KHDRBS2: variants seen among roughly 807,000 people sequenced by gnomAD.
KHDRBS2 encodes KH domain-containing, RNA-binding, signal transduction-associated protein 2.
In KHDRBS2, 26 loss-of-function variants were observed where a neutral mutation model predicts 44.3. That is an observed-to-expected ratio of 0.59 (90% CI 0.43 to 0.81). The LOEUF is 0.81. Ranked by LOEUF, KHDRBS2 falls within the 40% of genes least tolerant of loss-of-function variation. The pLI, the probability that KHDRBS2 is intolerant of heterozygous loss-of-function variation, is 0.00. For synonymous variants in KHDRBS2, 194 were observed against 151.1 expected (o/e 1.28, Z -2.08); for missense variants, 476 against 433.1 (o/e 1.10, Z -0.88).
the KHDRBS2 span, among the ~76,000 whole-genome samples, chr6:61,623,205 A>G: frequency 1.1e-4 from 17 of 152,244 alleles, no homozygotes; most frequent in South Asian, 8.3e-4. Flanking sequence ...CTGAATCCGA[A>G]CATATTTTCT....
chr6:61,851,832 A>T (rs1280533710), intron 6 of KHDRBS2, among the ~76,000 whole-genome samples: 1 of 152,256 alleles, frequency 6.6e-6, no homozygotes, highest in Non-Finnish European at 1.5e-5. Flanking sequence ...GAATTAGAAT[A>T]CAGTGAGAGA....
the KHDRBS2 span, among the ~76,000 whole-genome samples, chr6:61,622,597 T>C: frequency 2.0e-5 from 3 of 152,076 alleles, no homozygotes; most frequent in African/African-American, 7.2e-5. Context: ...GCAAAGACCA[T>C]AGGGGATAAT....
chr6:61,934,910 T>G (rs1420566046), intron 4 of KHDRBS2, among the ~76,000 whole-genome samples: 1 of 152,068 alleles, frequency 6.6e-6, no homozygotes, highest in African/African-American at 2.4e-5. Flanking sequence ...GAAACTGGAG[T>G]GATCTCAAGA....
intron 1 of KHDRBS2, among the ~76,000 whole-genome samples, chr6:62,230,512 G>A (rs949291095): frequency 1.3e-5 from 2 of 152,016 alleles, no homozygotes; most frequent in South Asian, 2.1e-4. Flanking sequence ...TATAAATAAT[G>A]GTGGCTATCA....
intron 3 of KHDRBS2, among the ~76,000 whole-genome samples, chr6:61,986,476 ATTAAG>A (rs1353702089): frequency 3.3e-5 from 5 of 152,198 alleles, no homozygotes; most frequent in African/African-American, 7.2e-5. Context: ...TGGTTTAGTT[ATTAAG>A]TTAATTTAAA....
chr6:61,640,251 C>G, the KHDRBS2 span, among the ~76,000 whole-genome samples: 3 of 152,066 alleles, frequency 2.0e-5, no homozygotes, highest in Admixed American at 2.0e-4. Flanking sequence ...GTAAAGGGTA[C>G]ATGGTATACA....
At chr6:62,107,097 A>T (rs1374311073) in intron 2 of KHDRBS2, among the ~76,000 whole-genome samples, 4 of 151,698 alleles carry the variant, frequency 2.6e-5, no homozygotes, top group Non-Finnish European at 4.4e-5. Flanking sequence ...GGCCAGGGCA[A>T]TTAGGCAGGA....
intron 1 of KHDRBS2, among the ~76,000 whole-genome samples, chr6:62,216,930 G>A (rs1830100915): frequency 6.7e-6 from 1 of 150,214 alleles, no homozygotes; most frequent in African/African-American, 2.4e-5. Context: ...TTTAGCAGGG[G>A]TTATAGGGTT....
intron 2 of KHDRBS2, among the ~76,000 whole-genome samples, chr6:62,132,088 A>G (rs1562932969): frequency 6.6e-6 from 1 of 152,206 alleles, no homozygotes; most frequent in Non-Finnish European, 1.5e-5. Flanking sequence ...ATTTTTTCAC[A>G]TTACTAAGTA....
intron 2 of KHDRBS2, among the ~76,000 whole-genome samples, chr6:62,166,031 A>G (rs1320479129): frequency 1.3e-5 from 2 of 152,018 alleles, no homozygotes; most frequent in Non-Finnish European, 2.9e-5. Flanking sequence ...CACCTGTTCT[A>G]GGAACTTCAT....
At chr6:61,722,936 C>T (rs1772917814) in intron 7 of KHDRBS2, among the ~76,000 whole-genome samples, 2 of 152,028 alleles carry the variant, frequency 1.3e-5, no homozygotes, top group Admixed American at 6.6e-5. Context: ...GTCTCGATCT[C>T]CTCACCTCGT....
rs183745910 is a variant in KHDRBS2, at chr6:61,856,055, A to T, written c.810+38580T>A. ...TGAGTCACATCTGTGATTTTCATCCAACTCTTCCTAGTCTCACTGTCTTTC... is the reference window on the plus strand; with the variant it reads ...TGAGTCACATCTGTGATTTTCATCCTACTCTTCCTAGTCTCACTGTCTTTC... On this transcript the variant is annotated intron_variant, in intron 6 of 8. Transcript: ENST00000281156. 2.3e-3 allele frequency among the ~76,000 whole-genome samples: 343 copies of T among 152,186 alleles called. 2 individuals carry two copies. The highest frequency in any genetic ancestry group is 8.0e-3 in the African/African-American group (334 of 41,542).
intron 2 of KHDRBS2, among the ~76,000 whole-genome samples, chr6:62,071,028 C>T (rs1794931332): frequency 6.6e-6 from 1 of 152,098 alleles, no homozygotes; most frequent in African/African-American, 2.4e-5. Context: ...TAATGATCGC[C>T]ATTTAACTGG....
rs999577363 is a variant in KHDRBS2, at chr6:61,914,957, C to A, written c.484-13586G>T. Among the ~76,000 whole-genome samples the A allele has an allele frequency of 3.9e-5, 6 of 152,168 alleles. No homozygotes were observed. In the South Asian group the frequency reaches 1.0e-3, roughly 26 times the overall value. Reference sequence around the variant, plus strand: ...ATGTCCATGTGTGAAGTCACGAAGCCATGACAGAAAAGTAACGGAGTTAGA... The same window carrying A: ...ATGTCCATGTGTGAAGTCACGAAGCAATGACAGAAAAGTAACGGAGTTAGA... On this transcript the variant is annotated intron_variant, in intron 4 of 8. Coordinates refer to ENST00000281156, the MANE Select transcript of KHDRBS2 (RefSeq NM_152688.4).
At chr6:62,082,247 T>C (rs73758654) in intron 2 of KHDRBS2, among the ~76,000 whole-genome samples, 3,719 of 151,896 alleles carry the variant, frequency 0.024, 165 homozygotes, top group African/African-American at 0.084. Flanking sequence ...TTAAAACCCA[T>C]CTTCTGACAA....
At chr6:62,243,503 C>G (rs1367820641) in intron 1 of KHDRBS2, among the ~76,000 whole-genome samples, 1 of 151,852 alleles carries the variant, frequency 6.6e-6, no homozygotes, top group African/African-American at 2.4e-5. Flanking sequence ...TGTTAAGATG[C>G]CCACCCTCAA....
intron 6 of KHDRBS2, among the ~76,000 whole-genome samples, chr6:61,744,995 C>T (rs1582556649): frequency 6.6e-6 from 1 of 152,228 alleles, no homozygotes; most frequent in East Asian, 1.9e-4. Flanking sequence ...AGTTTCAAAG[C>T]TCATCTAACT....
intron 6 of KHDRBS2, among the ~76,000 whole-genome samples, chr6:61,763,861 C>T (rs1054932067): frequency 5.3e-5 from 8 of 152,100 alleles, no homozygotes; most frequent in Non-Finnish European, 7.4e-5. Flanking sequence ...ATGTGCAGGA[C>T]GTGCAGGTTT....
intron 2 of KHDRBS2, among the ~76,000 whole-genome samples, chr6:62,061,079 G>A (rs1193614357): frequency 6.6e-6 from 1 of 151,886 alleles, no homozygotes; most frequent in Non-Finnish European, 1.5e-5. Context: ...CTGAAAGTTA[G>A]ATGGGTTTCC....
Sources: gnomAD v4.1 joint callset for allele counts (sites outside exome capture counted in the v4.1 genomes callset) on GRCh38, gnomAD v4.1.1 for gene constraint, MANE v1.5 for transcripts, NCBI Gene and HGNC (gene_info 2026-07-23, HGNC 2026-07-21) for gene names.